The following MTMR1 variants were observed in gnomAD, a reference collection of about 807,000 sequenced individuals.
The protein encoded by MTMR1 is myotubularin related protein 1.
MTMR1 carries 17 observed loss-of-function variants against 51.6 expected under a neutral mutation model. That is an observed-to-expected ratio of 0.33 (90% CI 0.23 to 0.49). The LOEUF (loss-of-function observed/expected upper bound fraction) is 0.49, where lower values mean the gene tolerates loss of function less well. Ranked by LOEUF, MTMR1 falls within the 20% of genes least tolerant of loss-of-function variation. The pLI is 0.99. For synonymous variants in MTMR1, 201 were observed against 205.6 expected, an observed-to-expected ratio of 0.98 and a Z score of 0.19; for missense variants, 386 against 526.9, an observed-to-expected ratio of 0.73 and a Z score of 2.62.
intron 13 of MTMR1, among the ~76,000 whole-genome samples, chrX:150,747,345 C>T (rs1461434094): frequency 2.7e-5 from 3 of 110,677 alleles, no homozygotes; most frequent in African/African-American, 6.6e-5. Flanking sequence ...GTCCCAGTTA[C>T]TCGGGCGGCT....
rs781965436 is a variant in MTMR1 at position 150,716,354 on chromosome X, T to C, written c.277-2271T>C. ...TAAGGCTTCTAAGATTGGAGATCTT[T>C]TAGTGTTTCTAAAACCAGACATTTA... On this transcript the variant is annotated intron_variant, in intron 3 of 15. Coordinates refer to ENST00000445323, the MANE Select transcript of MTMR1 (RefSeq NM_001306144.3). Among the ~76,000 whole-genome samples, 4 of 112,850 alleles carry C rather than the reference T, an allele frequency of 3.5e-5. No homozygotes were observed. The South Asian group carries it at 1.4e-3, about 41-fold the overall frequency.
At chrX:150,719,255 A>T (rs1557416512) in intron 4 of MTMR1, among the ~76,000 whole-genome samples, 1 of 111,191 alleles carries the variant, frequency 9.0e-6, no homozygotes, top group Non-Finnish European at 1.9e-5. Flanking sequence ...GGGCAGCTGG[A>T]TGCGATCCGT....
At position 150,727,691 on chromosome X, in the gene MTMR1, A is replaced by G; in HGVS notation, c.455A>G (p.His152Arg). 1 of 1,208,577 alleles carries G rather than the reference A, an allele frequency of 8.3e-7. No homozygotes were observed. Among genetic ancestry groups the G allele is most frequent in the Non-Finnish European group, 1.1e-6 (1 of 893,184 alleles). ...LYFKNVERDP[H>R]FILDVPLGVI... is the part of the protein sequence containing the mutation. ...CTTAATTTTTGAACCTAGGACCCGC[A>G]TTTTATCCTTGATGTTCCCCTTGGA... The change falls in exon 6 of 16, where the codon CAT (histidine) becomes CGT (arginine). Residue 152 changes from histidine (H) to arginine (R), a missense_variant. Coordinates refer to ENST00000445323, the MANE Select transcript of MTMR1 (RefSeq NM_001306144.3).
At position 150,755,782 on chromosome X, in the gene MTMR1, G is replaced by A. The variant is rs782208970; in HGVS notation, c.1774G>A (p.Val592Met). ...NPFFVNYENH[V>M]LYPVASLSHL... is the part of the protein sequence containing the mutation. Reference sequence around the variant, plus strand: ...CTTCTTTGTGAATTATGAAAACCACGTGTTATATCCTGTTGCTAGTCTGAG... The same window carrying A: ...CTTCTTTGTGAATTATGAAAACCACATGTTATATCCTGTTGCTAGTCTGAG... The change falls in exon 15 of 16, where the codon GTG (valine) becomes ATG (methionine). Residue 592 changes from valine (V) to methionine (M), a missense_variant. By Grantham distance (21) the Val-to-Met change is conservative. Transcript: ENST00000445323. 8.3e-6 allele frequency: 10 copies of A among 1,203,421 alleles called. No individual in the cohort carries two copies. Among genetic ancestry groups the A allele is most frequent in the Admixed American group, 4.4e-5 (2 of 45,136 alleles).
upstream of MTMR1, chrX:150,692,972 G>C (rs2040531880): frequency 1.8e-5 from 2 of 110,267 alleles, no homozygotes; most frequent in Admixed American, 1.9e-4. Flanking sequence ...ATGGGGTGGG[G>C]AGGAATTGCT....
intron 3 of MTMR1, among the ~76,000 whole-genome samples, chrX:150,717,383 G>A (rs909449342): frequency 2.1e-5 from 2 of 94,374 alleles, no homozygotes; most frequent in Non-Finnish European, 4.3e-5. Flanking sequence ...AAAAAAAAAA[G>A]GAGAAGAAAA....
intron 1 of MTMR1, among the ~76,000 whole-genome samples, chrX:150,698,653 A>G (rs962993184): frequency 9.6e-6 from 1 of 103,949 alleles, no homozygotes; most frequent in Non-Finnish European, 2.0e-5. Flanking sequence ...CCTGGGAAAC[A>G]TGGCAAAACC....
chrX:150,699,327 T>C, intron 2 of MTMR1, 27 bp downstream of exon 2: 1 of 1,052,470 alleles, frequency 9.5e-7, no homozygotes, highest in Non-Finnish European at 1.3e-6. Flanking sequence ...GTTTAATTCA[T>C]TTTCAGTATG....
At position 150,718,696 on chromosome X, in the gene MTMR1, C is replaced by T. The variant is rs552181323; in HGVS notation, c.348C>T (p.Ala116=). 6 of 1,152,325 alleles carry T rather than the reference C, an allele frequency of 5.2e-6. No individual in the cohort carries two copies. In the Admixed American group the frequency reaches 1.5e-4, roughly 28 times the overall value. 95.0% of individuals were successfully genotyped at this position (1,152,325 alleles called of 1,213,427 possible). A position where few individuals can be genotyped will look rare whatever the true frequency, so the allele number is the denominator to read the frequency against. ...APLFPGESIK[A]IVKDVMYICP... ...TTTTCCCAGGAGAATCAATTAAAGC[C>T]ATTGGTAAGTTTAGTGTGTACACTT... is the stretch of plus-strand genomic sequence containing the variant. The change falls in exon 4 of 16, where the codon GCC becomes GCT. Residue 116 remains alanine, a synonymous_variant. Coordinates refer to ENST00000445323, the MANE Select transcript of MTMR1 (RefSeq NM_001306144.3).
At chrX:150,697,830 G>A (rs1193405443) in intron 1 of MTMR1, among the ~76,000 whole-genome samples, 1 of 111,818 alleles carries the variant, frequency 8.9e-6, no homozygotes. Flanking sequence ...CGGTTGGCTC[G>A]CATCTGTGCT....
rs2043192224 is a variant in MTMR1 at position 150,763,066 on chromosome X, T to A, written c.*337T>A. 1 of 161,976 alleles carries A rather than the reference T, an allele frequency of 6.2e-6. No individual in the cohort carries two copies. Among genetic ancestry groups the A allele is most frequent in the Admixed American group, 7.5e-5 (1 of 13,251 alleles). 13.3% of individuals were successfully genotyped at this position (161,976 alleles called of 1,213,427 possible). On this transcript the variant is annotated 3_prime_UTR_variant, in exon 16 of 16. Coordinates refer to ENST00000445323, the MANE Select transcript of MTMR1 (RefSeq NM_001306144.3). ...TTCAGTAACAACAAACACCACTCAC[T>A]TCAAGATGCATTGCCAGCCCCGTGG...
At chrX:150,731,970 C>T (rs2042131687) in intron 9 of MTMR1, among the ~76,000 whole-genome samples, 1 of 111,628 alleles carries the variant, frequency 9.0e-6, no homozygotes, top group Non-Finnish European at 1.9e-5. Flanking sequence ...ATGCTTCTTT[C>T]TTAGATACTG....
rs782401175 is a variant in MTMR1 at position 150,759,578 on chromosome X, G to C, written c.1858-2987G>C. ...TGAAGAAATGCTGAACCAGCAGAGA[G>C]GGTTAGAGTGGTGTCCCACAGGGGT... On this transcript the variant is annotated intron_variant, in intron 15 of 15. Coordinates refer to ENST00000445323, the MANE Select transcript of MTMR1 (RefSeq NM_001306144.3). Among the ~76,000 whole-genome samples, 14 of 107,821 alleles carry C rather than the reference G, an allele frequency of 1.3e-4. No individual in the cohort carries two copies. The South Asian group carries it at 1.9e-3, about 15-fold the overall frequency. The allele number at this position is 107,821 out of a possible 115,157, so 93.6% of individuals were successfully genotyped here.
intron 14 of MTMR1, among the ~76,000 whole-genome samples, chrX:150,753,697 T>A (rs1453320173): frequency 8.9e-6 from 1 of 112,476 alleles, no homozygotes; most frequent in Non-Finnish European, 1.9e-5. Flanking sequence ...TAAGAGTTCC[T>A]TATACATTCT....
chrX:150,760,990 G>A (rs1239099348), intron 15 of MTMR1, among the ~76,000 whole-genome samples: 1 of 110,467 alleles, frequency 9.1e-6, no homozygotes, highest in African/African-American at 3.3e-5. Flanking sequence ...CAAACAGCTG[G>A]TGAAGAGATG....
At chrX:150,758,523 G>A (rs2042973833) in intron 15 of MTMR1, among the ~76,000 whole-genome samples, 1 of 112,112 alleles carries the variant, frequency 8.9e-6, no homozygotes, top group African/African-American at 3.2e-5. Context: ...GCCGGGCACA[G>A]TAACTTACGC....
At chrX:150,721,410 C>T (rs1439727126) in intron 4 of MTMR1, among the ~76,000 whole-genome samples, 3 of 111,346 alleles carry the variant, frequency 2.7e-5, no homozygotes, top group Admixed American at 9.6e-5. Context: ...TTGGACTTTG[C>T]GTTTCTTTTG....
chrX:150,753,376 T>C (rs1557417652), intron 14 of MTMR1, among the ~76,000 whole-genome samples: 1 of 112,344 alleles, frequency 8.9e-6, no homozygotes, highest in African/African-American at 3.2e-5. Context: ...ATGTGGCAAT[T>C]ATGTTTAACC....
chrX:150,693,376 G>T, upstream of MTMR1: 1 of 700,854 alleles, frequency 1.4e-6, no homozygotes. Flanking sequence ...GGCCTTGTGG[G>T]TAACGCGGGG....
Sources: allele counts gnomAD v4.1 joint callset (sites outside exome capture counted in the v4.1 genomes callset), GRCh38; gene constraint gnomAD v4.1.1; transcripts MANE v1.5; gene names NCBI Gene and HGNC (gene_info 2026-07-23, HGNC 2026-07-21).